The following SLC4A4 variants were observed in gnomAD, a reference collection of about 807,000 sequenced individuals.
SLC4A4 encodes the protein solute carrier family 4 member 4.
A neutral mutation model predicts 111.5 loss-of-function variants in SLC4A4; 27 were observed. That is an observed-to-expected ratio of 0.24 (90% CI 0.18 to 0.33). The LOEUF (loss-of-function observed/expected upper bound fraction) is 0.33. Among genes scored for constraint, SLC4A4 ranks in the 10% least tolerant of loss-of-function variants. SLC4A4 has a pLI of 1.00. For missense variants in SLC4A4, 909 were observed against 1,315.5 expected, an observed-to-expected ratio of 0.69 and a Z score of 4.78; for synonymous variants, 443 against 463.4, an observed-to-expected ratio of 0.96 and a Z score of 0.57.
chr4:71,383,272 A>AT (rs945757916), intron 6 of SLC4A4, among the ~76,000 whole-genome samples: 2 of 152,210 alleles, frequency 1.3e-5, no homozygotes, highest in African/African-American at 4.8e-5. Flanking sequence ...ATGTATATAC[A>AT]TAAGTAAGCG....
intron 1 of SLC4A4, among the ~76,000 whole-genome samples, chr4:71,078,746 A>G (rs1223215960): frequency 1.3e-5 from 2 of 152,186 alleles, no homozygotes; most frequent in African/African-American, 2.4e-5. Context: ...AGATATTTTC[A>G]TGAAAATCTC....
chr4:71,240,317 G>T (rs946794501), intron 2 of SLC4A4, among the ~76,000 whole-genome samples: 3 of 152,198 alleles, frequency 2.0e-5, no homozygotes, highest in African/African-American at 7.2e-5. Flanking sequence ...CTTTGGCTCT[G>T]CAAGGCTAGG....
intron 1 of SLC4A4, among the ~76,000 whole-genome samples, chr4:71,193,704 CA>C (rs1745858468): frequency 6.6e-6 from 1 of 152,140 alleles, no homozygotes; most frequent in Non-Finnish European, 1.5e-5. Flanking sequence ...TCTATCTTTT[CA>C]TATGATTATT....
chr4:71,348,521 G>A (rs1729530034), intron 4 of SLC4A4, among the ~76,000 whole-genome samples: 1 of 152,270 alleles, frequency 6.6e-6, no homozygotes, highest in South Asian at 2.1e-4. Context: ...GATACAGGGA[G>A]AAGAAGGAGG....
intron 3 of SLC4A4, among the ~76,000 whole-genome samples, chr4:71,338,258 C>T (rs1728589023): frequency 6.6e-6 from 1 of 151,964 alleles, no homozygotes; most frequent in Non-Finnish European, 1.5e-5. Context: ...GAATTTTATT[C>T]TGTCCTGTAT....
intron 6 of SLC4A4, among the ~76,000 whole-genome samples, chr4:71,368,771 A>G (rs762683143): frequency 2.0e-5 from 3 of 152,158 alleles, no homozygotes; most frequent in Non-Finnish European, 4.4e-5. Context: ...TTAGAACTGC[A>G]GGGTGGATCA....
chr4:71,428,455 T>A lies in SLC4A4; in HGVS notation c.808-12161T>A, dbSNP rs561970895. Among the ~76,000 whole-genome samples the A allele has an allele frequency of 4.6e-5, 7 of 152,154 alleles. No individual in the cohort carries two copies. In the South Asian group the frequency reaches 1.5e-3, roughly 32 times the overall value. The stretch of plus-strand genomic sequence containing the variant: ...CCAGGACAATAGGGTAAACTGGGAC[T>A]GTTATGGGCCAACTGGTAGGTATGG... On this transcript the variant is annotated intron_variant, in intron 7 of 25. Transcript: ENST00000264485.
At chr4:71,537,319 C>T (rs74916794) in intron 18 of SLC4A4, among the ~76,000 whole-genome samples, 2 of 12,978 alleles carry the variant, frequency 1.5e-4, no homozygotes, top group Non-Finnish European at 6.1e-4. Context: ...ACACATATGT[C>T]TACATATATG....
At chr4:71,303,127 G>A (rs934629069) in intron 3 of SLC4A4, among the ~76,000 whole-genome samples, 1 of 152,144 alleles carries the variant, frequency 6.6e-6, no homozygotes, top group African/African-American at 2.4e-5. Context: ...CTGCGAATGT[G>A]GTAGTGATCT....
intron 2 of SLC4A4, among the ~76,000 whole-genome samples, chr4:71,122,468 A>G (rs186140778): frequency 2.0e-5 from 3 of 152,320 alleles, no homozygotes; most frequent in Admixed American, 2.0e-4. Flanking sequence ...TGACTGATAC[A>G]GCTATGTGGT....
intron 1 of SLC4A4, among the ~76,000 whole-genome samples, chr4:71,072,641 T>C (rs2148930813): frequency 6.6e-6 from 1 of 152,256 alleles, no homozygotes; most frequent in South Asian, 2.1e-4. Context: ...TTTATTGGGA[T>C]TACATTACAG....
At chr4:71,463,938 C>T (rs1486350296) in intron 12 of SLC4A4, among the ~76,000 whole-genome samples, 1 of 152,132 alleles carries the variant, frequency 6.6e-6, no homozygotes, top group African/African-American at 2.4e-5. Flanking sequence ...TATATTCTCC[C>T]TTACACTCAG....
At chr4:71,220,324 C>T (rs1486397665) in intron 1 of SLC4A4, among the ~76,000 whole-genome samples, 1 of 152,118 alleles carries the variant, frequency 6.6e-6, no homozygotes, top group Non-Finnish European at 1.5e-5. Context: ...AATGCTATTG[C>T]ACACAATAGA....
chr4:71,378,285 G>A (rs1350052180), intron 6 of SLC4A4, among the ~76,000 whole-genome samples: 1 of 152,156 alleles, frequency 6.6e-6, no homozygotes, highest in African/African-American at 2.4e-5. Flanking sequence ...AGTCACAAAA[G>A]GAATTATAAC....
intron 6 of SLC4A4, among the ~76,000 whole-genome samples, chr4:71,382,953 C>A (rs1472367775): frequency 6.6e-6 from 1 of 152,162 alleles, no homozygotes; most frequent in Non-Finnish European, 1.5e-5. Context: ...CTTTGCTTTT[C>A]TCTTTACCTT....
At chr4:71,141,798 A>G (rs536949548) in intron 2 of SLC4A4, among the ~76,000 whole-genome samples, 2 of 152,352 alleles carry the variant, frequency 1.3e-5, no homozygotes, top group East Asian at 3.9e-4. Flanking sequence ...ATTCATTGAT[A>G]TATACTAAAG....
intron 1 of SLC4A4, among the ~76,000 whole-genome samples, chr4:71,212,664 C>CTGTGTGCACGCGTTTGTG (rs974377149): frequency 1.3e-5 from 2 of 152,120 alleles, no homozygotes; most frequent in African/African-American, 2.4e-5. Context: ...ATGACATTTC[C>CTGTGTGCACGCGTTTGTG]TGTGTGCACG....
intron 2 of SLC4A4, among the ~76,000 whole-genome samples, chr4:71,250,172 C>T (rs1720963199): frequency 6.6e-6 from 1 of 151,632 alleles, no homozygotes; most frequent in African/African-American, 2.4e-5. Context: ...TAATTTTGTT[C>T]TACCTACATT....
rs534189187 is a variant in SLC4A4 at position 71,460,296 on chromosome 4, T to A, written c.1498-6148T>A. Reference sequence around the variant, plus strand: ...TTTCTGTTTTCGTTTAAATTTTTTATCCATCTGGAATTGGTTTTTGTGTAA... The same window carrying A: ...TTTCTGTTTTCGTTTAAATTTTTTAACCATCTGGAATTGGTTTTTGTGTAA... On this transcript the variant is annotated intron_variant, in intron 12 of 25. Transcript: ENST00000264485. 7.9e-5 allele frequency among the ~76,000 whole-genome samples: 12 copies of A among 152,262 alleles called. No homozygotes were observed. The East Asian group carries it at 2.1e-3, about 27-fold the overall frequency.
Sources: allele counts gnomAD v4.1 joint callset (sites outside exome capture counted in the v4.1 genomes callset), GRCh38; gene constraint gnomAD v4.1.1; transcripts MANE v1.5; gene names NCBI Gene and HGNC (gene_info 2026-07-23, HGNC 2026-07-21).